Variants in SDR16C5 observed in about 807,000 individuals in gnomAD.
SDR16C5 encodes the protein short chain dehydrogenase/reductase family 16C member 5.
SDR16C5 carries 20 observed loss-of-function variants against 27.7 expected under a neutral mutation model. The ratio of observed to expected loss-of-function variants is 0.72; its 90% CI spans 0.51 to 1.05. The LOEUF is 1.05. Among genes scored for constraint, SDR16C5 ranks in the 50% least tolerant of loss-of-function variants. SDR16C5 has a pLI of 0.00. For missense variants in SDR16C5, 374 were observed against 366.3 expected, an observed-to-expected ratio of 1.02 and a Z score of -0.17; for synonymous variants, 139 against 132.3, an observed-to-expected ratio of 1.05 and a Z score of -0.35.
chr8:56,303,047 C>T (rs1395900231), intron 6 of SDR16C5, among the ~76,000 whole-genome samples: 1 of 150,650 alleles, frequency 6.6e-6, no homozygotes, highest in Non-Finnish European at 1.5e-5. Context: ...GGTGCAGTGG[C>T]CCATGCTTGT....
chr8:56,316,451 G>A, intron 1 of SDR16C5, 90 bp from the exon 2 acceptor site: 2 of 762,178 alleles, frequency 2.6e-6, no homozygotes, highest in South Asian at 1.8e-5. Context: ...CTGAAACAGT[G>A]AAAGTAACTG....
In SDR16C5 at chr8:56,316,059, A is replaced by T; in HGVS notation, c.289T>A (p.Cys97Ser). Residue 97 changes from cysteine (C) to serine (S), a missense_variant, in exon 2 of 7, where the codon TGC (cysteine) becomes AGC (serine). Transcript: ENST00000303749. Reference protein sequence around the residue: ...AGATRVHAYTCDCSQKEGVYR... With the variant: ...AGATRVHAYTSDCSQKEGVYR... ...ACTCCTTCCTTTTGGCTGCAATCGC[A>T]GGTATAGGCGTGCACTCTTGTGGCT... is the stretch of plus-strand genomic sequence containing the variant. The T allele has an allele frequency of 6.2e-7, 1 of 1,614,128 alleles. No homozygotes were observed. Among genetic ancestry groups the T allele is most frequent in the Non-Finnish European group, 8.5e-7 (1 of 1,179,978 alleles).
intron 1 of SDR16C5, among the ~76,000 whole-genome samples, chr8:56,317,145 T>A (rs1444097807): frequency 6.6e-6 from 1 of 152,124 alleles, no homozygotes; most frequent in Non-Finnish European, 1.5e-5. Context: ...GGTCTCTTCA[T>A]CTATATTGGT....
intron 6 of SDR16C5, chr8:56,303,879 C>A (rs1450794063): frequency 2.9e-6 from 2 of 687,348 alleles, no homozygotes; most frequent in Non-Finnish European, 5.3e-6. Context: ...CAGTGCATTA[C>A]ACGAATCTAC....
chr8:56,311,410 T>C (rs970377795), intron 3 of SDR16C5, among the ~76,000 whole-genome samples: 2 of 152,138 alleles, frequency 1.3e-5, no homozygotes, highest in Non-Finnish European at 2.9e-5. Flanking sequence ...AATGAGACTC[T>C]GTCTCAAAAA....
rs868383116 is a variant in SDR16C5, at chr8:56,304,067, T to C, written c.836+1530A>G. On this transcript the variant is annotated intron_variant, in intron 6 of 6. Transcript: ENST00000303749. ...AGCCTCAGTCAGGCATTCTGACCCA[T>C]CCTGTGCCAGATGAAGCCTGGAAAA... The C allele has an allele frequency of 1.4e-4, 99 of 702,824 alleles. 1 individual carries two copies. The highest frequency in any genetic ancestry group is 9.1e-4 in the Middle Eastern group (4 of 4,392). 43.5% of individuals were successfully genotyped at this position (702,824 alleles called of 1,614,324 possible).
chr8:56,316,057 G>A lies in SDR16C5; in HGVS notation c.291C>T (p.Cys97=), dbSNP rs941002379. The change falls in exon 2 of 7, where the codon TGC becomes TGT. Residue 97 remains cysteine, a synonymous_variant. Transcript: ENST00000303749. The part of the protein sequence containing the change: ...AGATRVHAYT[C]DCSQKEGVYR... ...ACACTCCTTCCTTTTGGCTGCAATC[G>A]CAGGTATAGGCGTGCACTCTTGTGG... 5.0e-6 allele frequency: 8 copies of A among 1,613,904 alleles called. No homozygotes were observed. The highest frequency in any genetic ancestry group is 2.7e-5 in the African/African-American group (2 of 74,878).
chr8:56,312,373 T>A (rs977737399), intron 2 of SDR16C5, 85 bp from the exon 3 acceptor site: 21 of 1,267,812 alleles, frequency 1.7e-5, no homozygotes, highest in Admixed American at 5.4e-5. Flanking sequence ...ATGTTTTTTT[T>A]ATCCTGGTTA....
At chr8:56,319,124 G>A (rs201271052) in intron 1 of SDR16C5, among the ~76,000 whole-genome samples, 466 of 134,552 alleles carry the variant, frequency 3.5e-3, no homozygotes, top group Non-Finnish European at 3.5e-3. Flanking sequence ...GAACAAATTA[G>A]AAAAAAAAAA....
At position 56,311,657 on chromosome 8, in the gene SDR16C5, G is replaced by A. The variant is rs983943088; in HGVS notation, c.465+500C>T. 2.6e-5 allele frequency among the ~76,000 whole-genome samples: 4 copies of A among 152,116 alleles called. No homozygotes were observed. In the East Asian group the frequency reaches 7.7e-4, roughly 29 times the overall value. On this transcript the variant is annotated intron_variant, in intron 3 of 6. Coordinates refer to ENST00000303749, the MANE Select transcript of SDR16C5 (RefSeq NM_138969.4). The stretch of plus-strand genomic sequence containing the variant: ...TGGAACCTCTAATTTCTCTGGTTGG[G>A]TACTAACTAAGGTGACTATAGGTTT...
intron 6 of SDR16C5, chr8:56,304,090 A>G (rs953998724): frequency 3.1e-5 from 22 of 702,554 alleles, no homozygotes; most frequent in Non-Finnish European, 4.9e-5. Context: ...GAAGCCTGGA[A>G]AAATGATAGT....
intron 1 of SDR16C5, among the ~76,000 whole-genome samples, chr8:56,319,779 T>G (rs1050953328): frequency 6.6e-6 from 1 of 152,098 alleles, no homozygotes; most frequent in Admixed American, 6.5e-5. Context: ...TGCCCTCTGC[T>G]CCGGGTGGGG....
chr8:56,303,035 C>T (rs1454608933), intron 6 of SDR16C5, among the ~76,000 whole-genome samples: 9 of 146,114 alleles, frequency 6.2e-5, no homozygotes, highest in African/African-American at 2.0e-4. Flanking sequence ...AAATCTTGGC[C>T]GGGTGCAGTG....
intron 2 of SDR16C5, among the ~76,000 whole-genome samples, chr8:56,315,184 G>C (rs1183714562): frequency 6.6e-6 from 1 of 151,756 alleles, no homozygotes; most frequent in Non-Finnish European, 1.5e-5. Context: ...GACAGAGGTT[G>C]TGGTGAGCCG....
intron 3 of SDR16C5, among the ~76,000 whole-genome samples, chr8:56,311,188 C>A (rs562221673): frequency 6.6e-6 from 1 of 152,116 alleles, no homozygotes; most frequent in Non-Finnish European, 1.5e-5. Context: ...CCAAGGCAGG[C>A]GGAACACTTG....
intron 3 of SDR16C5, among the ~76,000 whole-genome samples, chr8:56,310,104 AAGG>A (rs1441012947): frequency 7.5e-6 from 1 of 132,582 alleles, no homozygotes; most frequent in East Asian, 2.3e-4. Context: ...GAAGAGGAGG[AAGG>A]AGGAGGAGAA....
chr8:56,313,933 G>A (rs1186378025), intron 2 of SDR16C5, among the ~76,000 whole-genome samples: 4 of 152,180 alleles, frequency 2.6e-5, no homozygotes, highest in African/African-American at 9.7e-5. Flanking sequence ...TATTGGCCGG[G>A]CGCGGTAGCT....
Position 56,316,314 on chromosome 8 carries a change from A to C in SDR16C5, c.34T>G (p.Phe12Val). The C allele has an allele frequency of 6.2e-7, 1 of 1,613,880 alleles. No individual in the cohort carries two copies. ...SFNLQSSKKL[F>V]IFLGKSLFSL... ...AACAGTGATTTTCCTAAGAAAATGA[A>C]CAGTTTCTTTGATGATTGCAGGTTG... The change falls in exon 2 of 7, where the codon TTC becomes GTC. Residue 12 changes from phenylalanine to valine, a missense_variant. Coordinates refer to ENST00000303749, the MANE Select transcript of SDR16C5 (RefSeq NM_138969.4).
intron 1 of SDR16C5, 52 bp from the exon 2 acceptor site, chr8:56,316,413 GT>G: frequency 8.5e-7 from 1 of 1,178,890 alleles, no homozygotes; most frequent in South Asian, 1.3e-5. Flanking sequence ...TTTCCTCTGA[GT>G]TGTTTACTCC....
Sources: gnomAD v4.1 joint callset for allele counts (sites outside exome capture counted in the v4.1 genomes callset) on GRCh38, gnomAD v4.1.1 for gene constraint, MANE v1.5 for transcripts, NCBI Gene and HGNC (gene_info 2026-07-23, HGNC 2026-07-21) for gene names.